Variants in HSPBP1 observed in about 807,000 individuals in gnomAD.
The protein encoded by HSPBP1 is HSPA (Hsp70) binding protein 1, also known as hsp70-binding protein 1.
A neutral mutation model predicts 41.7 loss-of-function variants in HSPBP1; 31 were observed. That is an observed-to-expected ratio of 0.74 (90% CI 0.56 to 1.00). The LOEUF (loss-of-function observed/expected upper bound fraction) is 1.00, where lower values mean the gene tolerates loss of function less well. Ranked by LOEUF, HSPBP1 falls within the 50% of genes least tolerant of loss-of-function variation. HSPBP1 has a pLI of 0.00. For missense variants in HSPBP1, 439 were observed against 487.9 expected, an observed-to-expected ratio of 0.90 and a Z score of 0.94; for synonymous variants, 199 against 214.4, an observed-to-expected ratio of 0.93 and a Z score of 0.63.
intron 3 of HSPBP1, among the ~76,000 whole-genome samples, chr19:55,275,019 G>A (rs2088033994): frequency 6.6e-6 from 1 of 152,192 alleles, no homozygotes. Flanking sequence ...GCTTGGCTAA[G>A]GTGGCCCTAA....
chr19:55,263,927 C>T (rs2087708427), intron 7 of HSPBP1, among the ~76,000 whole-genome samples: 2 of 151,442 alleles, frequency 1.3e-5, no homozygotes, highest in African/African-American at 2.4e-5. Flanking sequence ...TGAATGTTTC[C>T]ACGGGTGTAT....
At chr19:55,273,283 C>T (rs1331853067) in intron 4 of HSPBP1, among the ~76,000 whole-genome samples, 2 of 152,186 alleles carry the variant, frequency 1.3e-5, no homozygotes, top group Non-Finnish European at 2.9e-5. Context: ...AGCCACCACG[C>T]CTGGCCAAGA....
intron 2 of HSPBP1, 110 bp from the exon 3 acceptor site, chr19:55,277,956 A>G (rs75787676): frequency 1.1e-6 from 1 of 931,032 alleles, no homozygotes. Context: ...CCTTCAGTCA[A>G]CAAATATCGG....
At position 55,270,272 on chromosome 19, in the gene HSPBP1, C is replaced by T. The variant is rs777171982; in HGVS notation, c.641-3986G>A. On this transcript the variant is annotated intron_variant, in intron 4 of 7. Transcript: ENST00000433386. The surrounding 1 kb of genome is among the most constrained non-coding windows in gnomAD (Gnocchi z 5.4). ...GACCACCACGTGGTGAGGCCGCTCA[C>T]GCAGCCCGAGCTTCCTGCCAACTGC... Among the ~76,000 whole-genome samples the T allele has an allele frequency of 1.3e-5, 2 of 152,362 alleles. No individual in the cohort carries two copies. The highest frequency in any genetic ancestry group is 4.8e-5 in the African/African-American group (2 of 41,588).
At chr19:55,262,967 A>G (rs1351425246) in intron 7 of HSPBP1, among the ~76,000 whole-genome samples, 1 of 152,186 alleles carries the variant, frequency 6.6e-6, no homozygotes, top group East Asian at 1.9e-4. Flanking sequence ...CCAGATATGG[A>G]CCACTGCTCA....
At chr19:55,274,328 TC>T in intron 4 of HSPBP1, 69 bp downstream of exon 4, 1 of 1,224,776 alleles carries the variant, frequency 8.2e-7, no homozygotes, top group Admixed American at 2.1e-5. Flanking sequence ...CCCCAGCAGA[TC>T]CCGGGGGCCC....
Position 55,272,567 on chromosome 19 carries a change from G to A in HSPBP1, c.640+1831C>T, listed in dbSNP as rs771488197. Reference sequence around the variant, plus strand: ...AGATGTTCTGAAATTTTGGCCGGGCGCAGTGGCTCACGCCTGTAATCCCAA... The same window carrying A: ...AGATGTTCTGAAATTTTGGCCGGGCACAGTGGCTCACGCCTGTAATCCCAA... On this transcript the variant is annotated intron_variant, in intron 4 of 7. Transcript: ENST00000433386. The surrounding 1 kb of genome is among the most constrained non-coding windows in gnomAD (Gnocchi z 4.2). 1.5e-4 allele frequency among the ~76,000 whole-genome samples: 23 copies of A among 152,162 alleles called. No homozygotes were observed. The highest frequency in any genetic ancestry group is 2.6e-4 in the Non-Finnish European group (18 of 68,044).
At chr19:55,266,031 A>G (rs976878254) in intron 5 of HSPBP1, 49 bp from the exon 6 acceptor site, 13 of 1,563,024 alleles carry the variant, frequency 8.3e-6, no homozygotes, top group African/African-American at 8.2e-5. Context: ...CCCATCTCCT[A>G]TGCCCTCCCC....
intron 1 of HSPBP1, 160 bp from the exon 2 acceptor site, chr19:55,279,862 C>T: frequency 1.3e-6 from 1 of 744,362 alleles, no homozygotes; most frequent in Non-Finnish European, 2.2e-6. Context: ...GCAACAGGCC[C>T]CACCCACTCT....
rs764285622 is a variant in HSPBP1 at position 55,279,502 on chromosome 19, G to A, written c.107C>T (p.Ser36Leu). 4.4e-6 allele frequency: 7 copies of A among 1,599,608 alleles called. No homozygotes were observed. The South Asian group carries it at 5.5e-5, about 13-fold the overall frequency. ...GTTGCGTGGGGGCCGGGAATTGCCCGAGCCCCCAGCCGAGGAGCCGCCGCC... is the reference window on the plus strand; with the variant it reads ...GTTGCGTGGGGGCCGGGAATTGCCCAAGCCCCCAGCCGAGGAGCCGCCGCC... ...GGGGGSSAGG[S>L]GNSRPPRNLQ... Residue 36 changes from serine (S) to leucine (L), a missense_variant, in exon 2 of 8, where the codon TCG (serine) becomes TTG (leucine). Transcript: ENST00000433386.
Position 55,264,955 on chromosome 19 carries a change from T to C in HSPBP1, c.1005+323A>G, listed in dbSNP as rs898660074. Among the ~76,000 whole-genome samples the C allele has an allele frequency of 5.9e-5, 9 of 151,856 alleles. No individual in the cohort carries two copies. In the East Asian group the frequency reaches 7.7e-4, roughly 13 times the overall value. ...CACTTGGTCTAACCTGGGGAATTCC[T>C]CACCCCCCAGGCCCCTCCCCCTCAC... On this transcript the variant is annotated intron_variant, in intron 7 of 7. Transcript: ENST00000433386.
In HSPBP1 at chr19:55,268,755, G is replaced by A. The variant is rs767542813; in HGVS notation, c.641-2469C>T. The stretch of plus-strand genomic sequence containing the variant: ...TGGCAGTTGGCTCACTGCGACATAC[G>A]TCTCTCGGGTTCAAGCAATTTTTAT... On this transcript the variant is annotated intron_variant, in intron 4 of 7. Transcript: ENST00000433386. This position sits in a 1 kb window ranked among gnomAD's most constrained non-coding sequence, Gnocchi z 4.5. Among the ~76,000 whole-genome samples, 5 of 151,688 alleles carry A rather than the reference G, an allele frequency of 3.3e-5. No individual in the cohort carries two copies. The highest frequency in any genetic ancestry group is 5.9e-5 in the Non-Finnish European group (4 of 68,016).
intron 6 of HSPBP1, among the ~76,000 whole-genome samples, chr19:55,265,603 A>G (rs1314683720): frequency 6.6e-6 from 1 of 151,732 alleles, no homozygotes; most frequent in African/African-American, 2.4e-5. Flanking sequence ...GTGCGTGTCA[A>G]CTCTGGTGTG....
intron 6 of HSPBP1, 123 bp from the exon 7 acceptor site, chr19:55,265,512 C>T: frequency 1.3e-6 from 1 of 767,262 alleles, no homozygotes; most frequent in South Asian, 1.4e-5. Flanking sequence ...CCACAATGGG[C>T]CTCCATTTCC....
intron 3 of HSPBP1, among the ~76,000 whole-genome samples, chr19:55,276,516 A>T (rs1242469787): frequency 2.0e-5 from 3 of 152,144 alleles, no homozygotes; most frequent in African/African-American, 7.2e-5. Flanking sequence ...CCAGGGAGGA[A>T]GTGGTATCTT....
chr19:55,269,950 C>T (rs2087877872), intron 4 of HSPBP1, among the ~76,000 whole-genome samples: 1 of 152,168 alleles, frequency 6.6e-6, no homozygotes, highest in African/African-American at 2.4e-5. Flanking sequence ...AGTGGCTCCA[C>T]AGAGGGCGAG....
Position 55,266,294 on chromosome 19 carries a change from AG to A in HSPBP1, c.641-9del. On this transcript the variant is annotated splice_polypyrimidine_tract_variant and intron_variant, in intron 4 of 7. Coordinates refer to ENST00000433386, the MANE Select transcript of HSPBP1 (RefSeq NM_012267.5). ...CCTGCTCTCGGACCAGACCTGGGAG[AG>A]GGGGAAAGGTCCTGAGCTTGCAGTC... The A allele has an allele frequency of 6.4e-7, 1 of 1,565,852 alleles. No homozygotes were observed. Among genetic ancestry groups the A allele is most frequent in the Non-Finnish European group, 8.7e-7 (1 of 1,155,378 alleles).
At chr19:55,280,277 A>G (rs1204923692), upstream of HSPBP1, 2 of 154,362 alleles carry the variant, frequency 1.3e-5, no homozygotes, top group Non-Finnish European at 2.9e-5. Flanking sequence ...CCAAGCTGGG[A>G]CGCCCCTTCG....
intron 4 of HSPBP1, among the ~76,000 whole-genome samples, chr19:55,273,518 T>C (rs1435436431): frequency 6.6e-6 from 1 of 152,118 alleles, no homozygotes; most frequent in Non-Finnish European, 1.5e-5. Context: ...GGAGACACAG[T>C]GGGCCCAACT....
Sources: gnomAD v4.1 joint callset for allele counts (sites outside exome capture counted in the v4.1 genomes callset) on GRCh38, gnomAD v4.1.1 for gene constraint, Gnocchi (gnomAD v3.1) non-coding constraint, MANE v1.5 for transcripts, NCBI Gene and HGNC (gene_info 2026-07-23, HGNC 2026-07-21) for gene names.